The following NUSAP1 variants were observed in gnomAD, a reference collection of about 807,000 sequenced individuals.
NUSAP1 encodes the protein nucleolar and spindle-associated protein 1.
NUSAP1 carries 32 observed loss-of-function variants against 52.8 expected under a neutral mutation model. The observed-to-expected ratio is 0.61, with a 90% CI of 0.46 to 0.81. NUSAP1 has a LOEUF of 0.81. Ranked by LOEUF, NUSAP1 falls within the 40% of genes least tolerant of loss-of-function variation. The pLI, the probability that NUSAP1 is intolerant of heterozygous loss-of-function variation, is 0.00. For missense variants in NUSAP1, 499 were observed against 522.3 expected (o/e 0.96, Z 0.43); for synonymous variants, 195 against 183.1 (o/e 1.06, Z -0.52).
At chr15:41,365,618 T>C (rs2049369250) in intron 7 of NUSAP1, 29 bp downstream of exon 7, 2 of 1,546,234 alleles carry the variant, frequency 1.3e-6, no homozygotes, top group Non-Finnish European at 8.8e-7. Context: ...AATGTAATCA[T>C]GAACAAGATT....
chr15:41,378,944 G>GTTTTGTTTTTTTTTTTTTTTTTTTTT (rs2050092060), intron 10 of NUSAP1, among the ~76,000 whole-genome samples: 1 of 63,270 alleles, frequency 1.6e-5, no homozygotes, highest in African/African-American at 7.0e-5. Flanking sequence ...ACTTATCTTG[G>GTTTTGTTTTTTTTTTTTTTTTTTTTT]TTTTTTTTTT....
chr15:41,350,174 A>G (rs551627184), intron 3 of NUSAP1, among the ~76,000 whole-genome samples: 8 of 152,264 alleles, frequency 5.3e-5, no homozygotes, highest in Admixed American at 2.0e-4. Context: ...TTAGGCACGC[A>G]CCGGCTCGGA....
At chr15:41,359,726 G>T (rs910419432) in intron 6 of NUSAP1, among the ~76,000 whole-genome samples, 1 of 151,356 alleles carries the variant, frequency 6.6e-6, no homozygotes, top group African/African-American at 2.4e-5. Context: ...CTGCCTCCCT[G>T]ATTCAAGTGA....
intron 1 of NUSAP1, among the ~76,000 whole-genome samples, chr15:41,341,665 A>C (rs945134856): frequency 6.6e-6 from 1 of 152,108 alleles, no homozygotes; most frequent in African/African-American, 2.4e-5. Context: ...CTTCATCCAT[A>C]CTGCCTTAGC....
In NUSAP1 at chr15:41,332,904, G is replaced by C. The variant is rs377551587; in HGVS notation, c.-54G>C. 7.8e-6 allele frequency: 11 copies of C among 1,408,694 alleles called. No homozygotes were observed. The African/African-American group carries it at 1.1e-4, about 15-fold the overall frequency. 87.3% of individuals were successfully genotyped at this position (1,408,694 alleles called of 1,614,324 possible). A position where few individuals can be genotyped will look rare whatever the true frequency, so the allele number is the denominator to read the frequency against. Reference sequence around the variant, plus strand: ...GAGTGGCGCCAGGGATTTGAACCGCGCTGACGAAGTTTGGTGATCCATCTT... The same window carrying C: ...GAGTGGCGCCAGGGATTTGAACCGCCCTGACGAAGTTTGGTGATCCATCTT... On this transcript the variant is annotated 5_prime_UTR_variant, in exon 1 of 11. Coordinates refer to ENST00000559596, the MANE Select transcript of NUSAP1 (RefSeq NM_016359.5).
At chr15:41,348,206 G>A (rs918667610) in intron 2 of NUSAP1, among the ~76,000 whole-genome samples, 2 of 152,156 alleles carry the variant, frequency 1.3e-5, no homozygotes, top group Non-Finnish European at 2.9e-5. Flanking sequence ...AGCCTCCTGA[G>A]TAACTGGGAT....
At chr15:41,338,834 A>G (rs1253986476) in intron 1 of NUSAP1, among the ~76,000 whole-genome samples, 4 of 151,906 alleles carry the variant, frequency 2.6e-5, no homozygotes, top group African/African-American at 7.2e-5. Flanking sequence ...GCGTGGTGGC[A>G]TGTGCCTATA....
rs2050092060 is a variant in NUSAP1, at chr15:41,378,944, G to GTTTTGTTTTTTTTTTT, written c.1233-1145_1233-1144insGTTTTTTTTTTTTTTT. Among the ~76,000 whole-genome samples the GTTTTGTTTTTTTTTTT allele has an allele frequency of 5.7e-4, 36 of 63,270 alleles. 1 individual carries two copies. The highest frequency in any genetic ancestry group is 2.5e-3 in the African/African-American group (35 of 14,270). The allele number at this position is 63,270 out of a possible 152,430, so 41.5% of individuals were successfully genotyped here. On this transcript the variant is annotated intron_variant, in intron 10 of 10. Coordinates refer to ENST00000559596, the MANE Select transcript of NUSAP1 (RefSeq NM_016359.5). Reference sequence around the variant, plus strand: ...CCCAAGATTATATTAACTTATCTTGGTTTTTTTTTTTTTTTTTTTTTTTTT... The same window carrying GTTTTGTTTTTTTTTTT: ...CCCAAGATTATATTAACTTATCTTGGTTTTGTTTTTTTTTTTTTTTTTTTTTTTTTTTTTTTTTTTT...
chr15:41,374,967 G>A (rs1357719009), intron 8 of NUSAP1, among the ~76,000 whole-genome samples: 4 of 150,474 alleles, frequency 2.7e-5, no homozygotes, highest in African/African-American at 7.3e-5. Flanking sequence ...TCAGCCTCCC[G>A]AGTAGCTGGG....
At chr15:41,351,546 G>C (rs1011197273) in intron 4 of NUSAP1, among the ~76,000 whole-genome samples, 2 of 152,130 alleles carry the variant, frequency 1.3e-5, no homozygotes, top group African/African-American at 4.8e-5. Context: ...ATTACTTTGG[G>C]AAGCCAAGTC....
At chr15:41,369,565 G>A (rs745368236) in intron 7 of NUSAP1, among the ~76,000 whole-genome samples, 3 of 151,112 alleles carry the variant, frequency 2.0e-5, no homozygotes, top group East Asian at 2.0e-4. Context: ...AGAGAATCGC[G>A]TGAACCCAGG....
rs566061917 is a variant in NUSAP1 at position 41,348,970 on chromosome 15, C to A, written c.163-128C>A. On this transcript the variant is annotated intron_variant, in intron 2 of 10. Coordinates refer to ENST00000559596, the MANE Select transcript of NUSAP1 (RefSeq NM_016359.5). ...AATTCTTGTCTTTGCCTACAATTTA[C>A]CGCTAGAGAGTTTTAAATTTTTTCT... 6.9e-6 allele frequency: 6 copies of A among 872,254 alleles called. No individual in the cohort carries two copies. In the Admixed American group the frequency reaches 1.7e-4, roughly 25 times the overall value. The allele number at this position is 872,254 out of a possible 1,614,324, so 54.0% of individuals were successfully genotyped here.
At chr15:41,371,188 G>A (rs1029511365) in intron 7 of NUSAP1, among the ~76,000 whole-genome samples, 1 of 146,374 alleles carries the variant, frequency 6.8e-6, no homozygotes, top group Non-Finnish European at 1.5e-5. Context: ...CCCCTAACCT[G>A]GAGGAGGAGG....
chr15:41,371,819 A>T, intron 8 of NUSAP1, 135 bp downstream of exon 8: 1 of 1,011,898 alleles, frequency 9.9e-7, no homozygotes, highest in Non-Finnish European at 1.4e-6. Context: ...CACCCAGGCT[A>T]GAGTGTAATG....
chr15:41,364,062 G>A (rs1388150756), intron 6 of NUSAP1, among the ~76,000 whole-genome samples: 1 of 152,090 alleles, frequency 6.6e-6, no homozygotes, highest in Non-Finnish European at 1.5e-5. Context: ...GAACTCCTGG[G>A]CTTAAGCGAT....
chr15:41,361,320 GA>G (rs2049167521), intron 6 of NUSAP1, among the ~76,000 whole-genome samples: 1 of 151,830 alleles, frequency 6.6e-6, no homozygotes, highest in Non-Finnish European at 1.5e-5. Flanking sequence ...TTGAACCCGG[GA>G]GGCAGAGGTT....
chr15:41,361,378 A>T (rs1217227997), intron 6 of NUSAP1, among the ~76,000 whole-genome samples: 3 of 151,914 alleles, frequency 2.0e-5, no homozygotes, highest in Non-Finnish European at 4.4e-5. Flanking sequence ...GGGCAACAAG[A>T]GTGAAACTCC....
rs765585537 is a variant in NUSAP1 at position 41,356,002 on chromosome 15, T to C, written c.449-37T>C. On this transcript the variant is annotated intron_variant, in intron 4 of 10. Coordinates refer to ENST00000559596, the MANE Select transcript of NUSAP1 (RefSeq NM_016359.5). ...CACATATTTCTTAATGAGAACTTTT[T>C]TGAAATCCTTCATTATTTCTGTGTC... 6 of 1,361,010 alleles carry C rather than the reference T, an allele frequency of 4.4e-6. No homozygotes were observed. In the African/African-American group the frequency reaches 8.6e-5, roughly 20 times the overall value. 84.3% of individuals were successfully genotyped at this position (1,361,010 alleles called of 1,614,324 possible). A position where few individuals can be genotyped will look rare whatever the true frequency, so the allele number is the denominator to read the frequency against.
At chr15:41,374,966 C>T (rs552492586) in intron 8 of NUSAP1, among the ~76,000 whole-genome samples, 4 of 150,976 alleles carry the variant, frequency 2.6e-5, no homozygotes, top group African/African-American at 4.9e-5. Flanking sequence ...CTCAGCCTCC[C>T]GAGTAGCTGG....
Sources: allele counts gnomAD v4.1 joint callset (sites outside exome capture counted in the v4.1 genomes callset), GRCh38; gene constraint gnomAD v4.1.1; transcripts MANE v1.5; gene names NCBI Gene and HGNC (gene_info 2026-07-23, HGNC 2026-07-21).